The following PSD3 variants were observed in gnomAD, a reference collection of about 807,000 sequenced individuals.
PSD3 encodes PH and SEC7 domain-containing protein 3.
Under a neutral mutation model 105.5 loss-of-function variants are expected in PSD3, and 49 were observed. The observed-to-expected ratio is 0.46, with a 90% CI of 0.37 to 0.59. The LOEUF (loss-of-function observed/expected upper bound fraction) is 0.59, where lower values mean the gene tolerates loss of function less well. PSD3 is among the 20% of genes least tolerant of loss of function. PSD3 has a pLI of 0.00. For missense variants in PSD3, 1,561 were observed against 1,263.8 expected, an observed-to-expected ratio of 1.24 and a Z score of -3.57; for synonymous variants, 557 against 457.8, an observed-to-expected ratio of 1.22 and a Z score of -2.77.
intron 1 of PSD3, among the ~76,000 whole-genome samples, chr8:18,984,781 C>T (rs1825418921): frequency 6.6e-6 from 1 of 152,184 alleles, no homozygotes; most frequent in African/African-American, 2.4e-5. Context: ...CTTCTGCCAA[C>T]CTGACTGTGG....
intron 1 of PSD3, among the ~76,000 whole-genome samples, chr8:18,984,011 TA>T (rs66481672): frequency 0.33 from 44,137 of 132,538 alleles, 6,986 homozygotes; most frequent in Non-Finnish European, 0.38. Context: ...TCTCATTATT[TA>T]AAAAAAAAAA....
intron 1 of PSD3, among the ~76,000 whole-genome samples, chr8:19,019,843 A>G (rs1403327758): frequency 6.6e-6 from 1 of 152,074 alleles, no homozygotes; most frequent in African/African-American, 2.4e-5. Context: ...ATGGGAGACA[A>G]GAAGGAAAGA....
At chr8:18,744,727 T>C (rs571858173) in intron 9 of PSD3, among the ~76,000 whole-genome samples, 11 of 152,334 alleles carry the variant, frequency 7.2e-5, no homozygotes, top group Admixed American at 3.9e-4. Context: ...AACCAGAACG[T>C]TAATGTTGGT....
At chr8:18,547,671 A>C (rs997317272) in intron 15 of PSD3, among the ~76,000 whole-genome samples, 1 of 152,184 alleles carries the variant, frequency 6.6e-6, no homozygotes, top group African/African-American at 2.4e-5. Context: ...GGTATGTGTA[A>C]GCCATCTTGC....
intron 1 of PSD3, among the ~76,000 whole-genome samples, chr8:18,959,197 G>A (rs182652455): frequency 3.3e-3 from 508 of 152,164 alleles, no homozygotes; most frequent in Middle Eastern, 0.014. Context: ...CTGGGATTAC[G>A]GGCGTGAGCC....
intron 8 of PSD3, among the ~76,000 whole-genome samples, chr8:18,773,948 T>C (rs556344470): frequency 3.3e-5 from 5 of 152,358 alleles, no homozygotes; most frequent in African/African-American, 1.2e-4. Flanking sequence ...CTTGAACTTA[T>C]TTTGTTAAAT....
chr8:18,768,803 G>A (rs1039295199), intron 8 of PSD3, among the ~76,000 whole-genome samples: 3 of 151,988 alleles, frequency 2.0e-5, no homozygotes, highest in African/African-American at 7.3e-5. Context: ...TGACATTTTT[G>A]TTGTTGTTGT....
intron 1 of PSD3, among the ~76,000 whole-genome samples, chr8:18,997,667 C>A (rs1217413878): frequency 1.3e-5 from 2 of 152,054 alleles, no homozygotes; most frequent in Non-Finnish European, 2.9e-5. Context: ...CGGTCCGACC[C>A]CACTGCTCAC....
intron 9 of PSD3, among the ~76,000 whole-genome samples, chr8:18,716,367 T>A (rs1802597947): frequency 6.6e-6 from 1 of 151,872 alleles, no homozygotes; most frequent in Non-Finnish European, 1.5e-5. Flanking sequence ...GGCTCTGCAG[T>A]GGAATAAATG....
chr8:19,036,718 T>C (rs1341231755), intron 1 of PSD3, among the ~76,000 whole-genome samples: 1 of 152,176 alleles, frequency 6.6e-6, no homozygotes, highest in Non-Finnish European at 1.5e-5. Context: ...ACCAGATTCA[T>C]GAACCCCAGG....
Position 18,639,404 on chromosome 8 carries a change from T to G in PSD3, c.2217-6598A>C, listed in dbSNP as rs114334393. On this transcript the variant is annotated intron_variant, in intron 10 of 15. Coordinates refer to ENST00000327040, the MANE Select transcript of PSD3 (RefSeq NM_015310.4). ...GGCCTGGAGCTTCCTAGTCCACCAT[T>G]GTGCCCCATTTCCCTTTTATTGCTC... Among the ~76,000 whole-genome samples the G allele has an allele frequency of 4.1e-3, 624 of 152,290 alleles. 3 individuals carry two copies. The highest frequency in any genetic ancestry group is 0.015 in the African/African-American group (608 of 41,566).
In PSD3 at chr8:18,967,204, G is replaced by A. The variant is rs201159207; in HGVS notation, c.22-31062C>T. On this transcript the variant is annotated intron_variant, in intron 1 of 15. Transcript: ENST00000327040. The stretch of plus-strand genomic sequence containing the variant: ...GAGTTTCACTCTCGTTGCCCAGGCT[G>A]GAGTGCAATGGCATGATCTTGGCTC... Among the ~76,000 whole-genome samples, 9 of 150,792 alleles carry A rather than the reference G, an allele frequency of 6.0e-5. No homozygotes were observed. In the East Asian group the frequency reaches 1.8e-3, roughly 29 times the overall value.
chr8:18,568,241 CCACTAAATAT>C (rs1801915210), intron 14 of PSD3, among the ~76,000 whole-genome samples: 2 of 152,122 alleles, frequency 1.3e-5, no homozygotes, highest in African/African-American at 4.8e-5. Flanking sequence ...GACCTCCCAG[CCACTAAATAT>C]CACATTTTTA....
At chr8:18,947,462 T>A (rs1433625497) in intron 1 of PSD3, among the ~76,000 whole-genome samples, 1 of 152,190 alleles carries the variant, frequency 6.6e-6, no homozygotes, top group Non-Finnish European at 1.5e-5. Context: ...CTCTTCACTC[T>A]GTCCATTTCC....
At chr8:18,796,958 G>C (rs1810239343) in intron 8 of PSD3, among the ~76,000 whole-genome samples, 1 of 151,850 alleles carries the variant, frequency 6.6e-6, no homozygotes. Flanking sequence ...GATTTCATAG[G>C]GGCCATGCTG....
intron 2 of PSD3, among the ~76,000 whole-genome samples, chr8:18,902,612 A>T (rs1819578014): frequency 6.6e-6 from 1 of 151,980 alleles, no homozygotes; most frequent in African/African-American, 2.4e-5. Context: ...CTGTGTGTTG[A>T]TGTCTGGTGG....
At chr8:18,697,037 G>GTCTGAGCCCAGGGC (rs1455313728) in intron 9 of PSD3, among the ~76,000 whole-genome samples, 28 of 151,902 alleles carry the variant, frequency 1.8e-4, no homozygotes, top group Non-Finnish European at 2.8e-4. Flanking sequence ...GAGCCCAGGG[G>GTCTGAGCCCAGGGC]TTTGAGACCA....
chr8:18,770,889 T>G (rs1209281570), intron 8 of PSD3, among the ~76,000 whole-genome samples: 1 of 152,220 alleles, frequency 6.6e-6, no homozygotes, highest in Admixed American at 6.5e-5. Context: ...GAAAAGAGGT[T>G]GCACAAACAA....
intron 2 of PSD3, among the ~76,000 whole-genome samples, chr8:18,892,050 A>G (rs1818818084): frequency 6.6e-6 from 1 of 152,194 alleles, no homozygotes; most frequent in South Asian, 2.1e-4. Context: ...GGCAGCCCAC[A>G]TGTGAACATA....
Sources: allele counts gnomAD v4.1 joint callset (sites outside exome capture counted in the v4.1 genomes callset), GRCh38; gene constraint gnomAD v4.1.1; transcripts MANE v1.5; gene names NCBI Gene and HGNC (gene_info 2026-07-23, HGNC 2026-07-21).